Variants in MAD1L1 observed in about 807,000 individuals in gnomAD.
MAD1L1 encodes mitotic arrest deficient 1 like 1, also known as mitotic spindle assembly checkpoint protein MAD1.
MAD1L1 carries 95 observed loss-of-function variants against 96.9 expected under a neutral mutation model. That is an observed-to-expected ratio of 0.98 (90% confidence interval 0.83 to 1.16). The LOEUF (loss-of-function observed/expected upper bound fraction) is 1.16. Among genes scored for constraint, MAD1L1 ranks in the 50% most tolerant of loss-of-function variants. The pLI is 0.00. For missense variants in MAD1L1, 1,007 were observed against 954.4 expected, an observed-to-expected ratio of 1.06 and a Z score of -0.73; for synonymous variants, 473 against 396.6, an observed-to-expected ratio of 1.19 and a Z score of -2.29.
At chr7:1,947,766 C>T (rs1250591248) in intron 16 of MAD1L1, among the ~76,000 whole-genome samples, 6 of 152,270 alleles carry the variant, frequency 3.9e-5, no homozygotes, top group Non-Finnish European at 8.8e-5. Flanking sequence ...TCACACCTCC[C>T]AGCCCTGCCC....
chr7:1,901,128 T>C (rs531547636), intron 17 of MAD1L1, among the ~76,000 whole-genome samples: 9 of 152,262 alleles, frequency 5.9e-5, no homozygotes, highest in African/African-American at 1.9e-4. Flanking sequence ...GAAGGGTCCA[T>C]CCTCCAGACA....
At chr7:2,030,807 G>C (rs561285568) in intron 12 of MAD1L1, among the ~76,000 whole-genome samples, 1 of 152,346 alleles carries the variant, frequency 6.6e-6, no homozygotes, top group Admixed American at 6.5e-5. Context: ...GCTGTCAGAC[G>C]CGTTTCTGTC....
chr7:2,030,621 G>C (rs1783183906), intron 12 of MAD1L1, among the ~76,000 whole-genome samples: 1 of 152,332 alleles, frequency 6.6e-6, no homozygotes, highest in East Asian at 1.9e-4. Flanking sequence ...ATCTGCGCTT[G>C]ACGAAAATGC....
At chr7:1,906,187 G>A (rs1014772481) in intron 17 of MAD1L1, among the ~76,000 whole-genome samples, 2 of 152,168 alleles carry the variant, frequency 1.3e-5, no homozygotes, top group Non-Finnish European at 2.9e-5. Context: ...CCCCACAGGA[G>A]GAAGAGACGC....
chr7:1,866,254 G>A (rs1416507456), intron 18 of MAD1L1, among the ~76,000 whole-genome samples: 4 of 152,208 alleles, frequency 2.6e-5, no homozygotes, highest in African/African-American at 9.6e-5. Flanking sequence ...GCAGAGCCCG[G>A]GTGCGCTCTG....
intron 11 of MAD1L1, among the ~76,000 whole-genome samples, chr7:2,135,051 A>T (rs369652654): frequency 2.6e-5 from 4 of 152,334 alleles, no homozygotes; most frequent in African/African-American, 9.6e-5. Flanking sequence ...AACACACAAA[A>T]AACACCCCCT....
rs181746569 is a variant in MAD1L1 at position 2,002,593 on chromosome 7, A to C, written c.1360-472T>G. Among the ~76,000 whole-genome samples the C allele has an allele frequency of 1.6e-3, 243 of 152,218 alleles. 1 individual carries two copies. The highest frequency in any genetic ancestry group is 5.6e-3 in the African/African-American group (233 of 41,538). On this transcript the variant is annotated intron_variant, in intron 13 of 18. Transcript: ENST00000265854. ...GGCCCCACCTCAGAGCATCTCCTCC[A>C]CCACGGCCACCCCCAAGCAGGACCC...
chr7:1,943,346 C>A (rs1779086456), intron 16 of MAD1L1, among the ~76,000 whole-genome samples: 1 of 152,240 alleles, frequency 6.6e-6, no homozygotes, highest in African/African-American at 2.4e-5. Flanking sequence ...GAGAAAATGT[C>A]TGCAAATCTA....
intron 10 of MAD1L1, among the ~76,000 whole-genome samples, chr7:2,207,636 A>G (rs1019080776): frequency 3.9e-5 from 6 of 152,162 alleles, no homozygotes; most frequent in Admixed American, 3.9e-4. Flanking sequence ...CAACCTGTTC[A>G]CCTGTATTAT....
chr7:1,899,700 GA>G (rs1787123450), intron 17 of MAD1L1, among the ~76,000 whole-genome samples: 1 of 152,186 alleles, frequency 6.6e-6, no homozygotes, highest in South Asian at 2.1e-4. Context: ...AGGGGAGTGT[GA>G]GGAAAGGTGC....
chr7:1,968,255 A>G lies in MAD1L1; in HGVS notation c.1506-10536T>C, dbSNP rs923681553. The stretch of plus-strand genomic sequence containing the variant: ...CAGTCCGGCGGTCAGGTCCACCGTC[A>G]ACACCAGCGGTCTTGTCCACATCAA... On this transcript the variant is annotated intron_variant, in intron 15 of 18. Transcript: ENST00000265854. The surrounding 1 kb of genome is among the most constrained non-coding windows in gnomAD (Gnocchi z 5.6). 6.6e-6 allele frequency among the ~76,000 whole-genome samples: 1 copy of G among 150,862 alleles called. No individual in the cohort carries two copies. Among genetic ancestry groups the G allele is most frequent in the East Asian group, 2.0e-4 (1 of 5,080 alleles).
At position 2,232,887 on chromosome 7, in the gene MAD1L1, C is replaced by G. The variant is rs1419336487; in HGVS notation, c.-205G>C. On this transcript the variant is annotated 5_prime_UTR_variant, in exon 1 of 19. Coordinates refer to ENST00000265854, the MANE Select transcript of MAD1L1 (RefSeq NM_001013836.2). ...GGCCGCTTACCTCAGCCGCTCGCAG[C>G]CAGCTTGCCGCCGCCGCTCGGATCT... The G allele has an allele frequency of 5.9e-5, 9 of 152,270 alleles. No homozygotes were observed. Among genetic ancestry groups the G allele is most frequent in the Admixed American group, 5.2e-4 (8 of 15,290 alleles). 9.4% of individuals were successfully genotyped at this position (152,270 alleles called of 1,614,324 possible). A position where few individuals can be genotyped will look rare whatever the true frequency, so the allele number is the denominator to read the frequency against.
intron 12 of MAD1L1, among the ~76,000 whole-genome samples, chr7:2,015,618 G>A (rs1180047607): frequency 6.6e-6 from 1 of 152,240 alleles, no homozygotes; most frequent in Non-Finnish European, 1.5e-5. Flanking sequence ...GTGTGGGCCT[G>A]AACCACAGCC....
chr7:2,201,220 C>G (rs1334964544), intron 10 of MAD1L1, among the ~76,000 whole-genome samples: 2 of 113,764 alleles, frequency 1.8e-5, no homozygotes, highest in African/African-American at 5.6e-5. Context: ...GAGAGAAGGG[C>G]AGGTAGTGGT....
intron 4 of MAD1L1, among the ~76,000 whole-genome samples, 184 bp from the exon 5 acceptor site, chr7:2,222,938 G>A (rs530218178): frequency 4.2e-4 from 64 of 152,314 alleles, no homozygotes; most frequent in Middle Eastern, 3.4e-3. Flanking sequence ...TGGCACCCCC[G>A]CTGTGGCACC....
At chr7:2,043,576 C>T (rs1020475996) in intron 12 of MAD1L1, among the ~76,000 whole-genome samples, 1 of 152,194 alleles carries the variant, frequency 6.6e-6, no homozygotes, top group Non-Finnish European at 1.5e-5. Flanking sequence ...CCTACAAGGA[C>T]GCTGGGTCAT....
At chr7:2,028,120 C>T (rs911349814) in intron 12 of MAD1L1, among the ~76,000 whole-genome samples, 6 of 152,114 alleles carry the variant, frequency 3.9e-5, no homozygotes, top group East Asian at 1.9e-4. Flanking sequence ...GAAACAATTT[C>T]GAGAGAAAAT....
chr7:1,996,522 G>T (rs914851508), intron 14 of MAD1L1, among the ~76,000 whole-genome samples: 1 of 152,348 alleles, frequency 6.6e-6, no homozygotes, highest in Middle Eastern at 3.4e-3. Context: ...CCCTGCTCAC[G>T]GTCGCCAGAT....
chr7:2,073,760 C>T (rs929385091), intron 11 of MAD1L1, among the ~76,000 whole-genome samples: 10 of 152,192 alleles, frequency 6.6e-5, no homozygotes, highest in African/African-American at 9.7e-5. Context: ...AAAGCTCATC[C>T]GCCAGGTTGT....
Sources: gnomAD v4.1 joint callset for allele counts (sites outside exome capture counted in the v4.1 genomes callset) on GRCh38, gnomAD v4.1.1 for gene constraint, Gnocchi (gnomAD v3.1) non-coding constraint, MANE v1.5 for transcripts, NCBI Gene and HGNC (gene_info 2026-07-23, HGNC 2026-07-21) for gene names.